The following DCC variants were observed in gnomAD, a reference collection of about 807,000 sequenced individuals.
DCC encodes DCC netrin 1 receptor, also known as netrin receptor DCC.
Under a neutral mutation model 172.5 loss-of-function variants are expected in DCC, and 58 were observed. The observed-to-expected ratio is 0.34, with a 90% CI of 0.27 to 0.42. DCC has a LOEUF of 0.42. Among genes scored for constraint, DCC ranks in the 10% least tolerant of loss-of-function variants. The probability of loss-of-function intolerance (pLI) is 1.00; values close to 1 mark genes in which losing one functional copy is unlikely to be tolerated. For synonymous variants in DCC, 709 were observed against 644.5 expected, an observed-to-expected ratio of 1.10 and a Z score of -1.52; for missense variants, 1,740 against 1,791.0, an observed-to-expected ratio of 0.97 and a Z score of 0.51.
intron 14 of DCC, among the ~76,000 whole-genome samples, chr18:53,335,813 G>T (rs990457547): frequency 6.6e-6 from 1 of 152,094 alleles, no homozygotes; most frequent in African/African-American, 2.4e-5. Flanking sequence ...ACATAGCTGG[G>T]GAGGTCTCAC....
intron 1 of DCC, among the ~76,000 whole-genome samples, chr18:52,488,890 A>G (rs1475205407): frequency 6.6e-6 from 1 of 152,134 alleles, no homozygotes; most frequent in Non-Finnish European, 1.5e-5. Context: ...TTCAATATAG[A>G]GCAAATTTGG....
rs532626865 is a variant in DCC at position 53,215,817 on chromosome 18, T to A, written c.1911+220T>A. On this transcript the variant is annotated intron_variant, in intron 12 of 28. Transcript: ENST00000442544. ...TCTACTTCTAAACAAATATTTTGAT[T>A]TACAAATATTAAACAAACATTGATT... 1.2e-4 allele frequency among the ~76,000 whole-genome samples: 18 copies of A among 152,322 alleles called. 1 individual carries two copies. In the East Asian group the frequency reaches 2.9e-3, roughly 25 times the overall value.
intron 1 of DCC, among the ~76,000 whole-genome samples, chr18:52,556,034 G>A (rs1361758021): frequency 1.3e-5 from 2 of 152,080 alleles, no homozygotes; most frequent in African/African-American, 4.8e-5. Context: ...TTTTAGTGAA[G>A]AATATACAAT....
intron 2 of DCC, among the ~76,000 whole-genome samples, chr18:52,876,732 T>G (rs1353569727): frequency 1.3e-5 from 2 of 151,960 alleles, no homozygotes; most frequent in Admixed American, 6.5e-5. Context: ...GGATGAGGTC[T>G]GAGAGTCAAA....
intron 2 of DCC, among the ~76,000 whole-genome samples, chr18:52,888,503 C>T (rs564300424): frequency 2.6e-5 from 4 of 152,026 alleles, no homozygotes; most frequent in African/African-American, 9.7e-5. Flanking sequence ...ATTACCATTT[C>T]TCTAAATGAA....
intron 2 of DCC, among the ~76,000 whole-genome samples, chr18:52,777,156 G>A (rs548813878): frequency 1.3e-5 from 2 of 152,188 alleles, no homozygotes; most frequent in Non-Finnish European, 2.9e-5. Flanking sequence ...CATCTGCCTC[G>A]CTAGTCTCAT....
At chr18:53,246,577 G>A (rs1435923793) in intron 12 of DCC, among the ~76,000 whole-genome samples, 1 of 151,836 alleles carries the variant, frequency 6.6e-6, no homozygotes, top group Non-Finnish European at 1.5e-5. Flanking sequence ...AAATAAACCA[G>A]TACAACACCA....
intron 1 of DCC, among the ~76,000 whole-genome samples, chr18:52,420,975 G>C (rs891364196): frequency 1.3e-5 from 2 of 152,100 alleles, no homozygotes; most frequent in Non-Finnish European, 2.9e-5. Flanking sequence ...AGGATTGCAA[G>C]CCCAGAATTC....
intron 12 of DCC, among the ~76,000 whole-genome samples, chr18:53,259,117 A>G (rs867106614): frequency 1.8e-4 from 27 of 152,048 alleles, no homozygotes; most frequent in African/African-American, 5.3e-4. Context: ...TGCACATGAG[A>G]TGGGTTTCCT....
chr18:53,149,255 A>T (rs2144372284), intron 7 of DCC, among the ~76,000 whole-genome samples: 1 of 152,274 alleles, frequency 6.6e-6, no homozygotes, highest in East Asian at 1.9e-4. Flanking sequence ...AGATCTAAAG[A>T]TAGACAAATA....
Position 53,371,126 on chromosome 18 carries a change from T to C in DCC, c.2360-14917T>C, listed in dbSNP as rs548180037. ...TTTGGTTTAATACAACCAACAGTGA[T>C]TCAAGGCCAAATCTTATAAGATGAG... On this transcript the variant is annotated intron_variant, in intron 15 of 28. Transcript: ENST00000442544. Among the ~76,000 whole-genome samples, 3 of 132,978 alleles carry C rather than the reference T, an allele frequency of 2.3e-5. No homozygotes were observed. In the South Asian group the frequency reaches 6.8e-4, roughly 30 times the overall value. The allele number at this position is 132,978 out of a possible 152,430, so 87.2% of individuals were successfully genotyped here. A position where few individuals can be genotyped will look rare whatever the true frequency, so the allele number is the denominator to read the frequency against.
chr18:53,090,732 A>AAAAAAAAAAAAAAAAAAAAAAAATAAT (rs1568298492), intron 7 of DCC, among the ~76,000 whole-genome samples: 1 of 129,078 alleles, frequency 7.7e-6, no homozygotes, highest in Non-Finnish European at 1.7e-5. Context: ...AAAAAAAAAA[A>AAAAAAAAAAAAAAAAAAAAAAAATAAT]AAGAATGTAT....
chr18:52,954,595 C>T (rs761987909), intron 5 of DCC, among the ~76,000 whole-genome samples: 2 of 152,130 alleles, frequency 1.3e-5, no homozygotes, highest in Non-Finnish European at 2.9e-5. Context: ...TATGGTTCTG[C>T]AAGGATCTTG....
intron 1 of DCC, among the ~76,000 whole-genome samples, chr18:52,645,341 A>T (rs76833719): frequency 6.6e-6 from 1 of 152,170 alleles, no homozygotes; most frequent in Non-Finnish European, 1.5e-5. Flanking sequence ...GTTAAATTTT[A>T]TACTTTCATT....
intron 5 of DCC, among the ~76,000 whole-genome samples, chr18:53,013,241 T>C (rs1316202059): frequency 6.6e-6 from 1 of 152,066 alleles, no homozygotes; most frequent in East Asian, 1.9e-4. Context: ...TAAAGACACA[T>C]GCACACGTAT....
chr18:53,168,120 T>C (rs2054952109), intron 8 of DCC, among the ~76,000 whole-genome samples: 2 of 151,902 alleles, frequency 1.3e-5, no homozygotes, highest in South Asian at 4.2e-4. Context: ...TTGGTGGGAG[T>C]GTAAATTAGT....
At chr18:53,354,461 G>T (rs1462025213) in intron 15 of DCC, among the ~76,000 whole-genome samples, 1 of 152,064 alleles carries the variant, frequency 6.6e-6, no homozygotes, top group African/African-American at 2.4e-5. Flanking sequence ...CATTCTAACT[G>T]GTGTGAGATG....
At chr18:53,189,231 G>A (rs566867074) in intron 9 of DCC, among the ~76,000 whole-genome samples, 2 of 151,786 alleles carry the variant, frequency 1.3e-5, no homozygotes, top group African/African-American at 2.4e-5. Flanking sequence ...ATGTATATAT[G>A]TGTGTGTATA....
chr18:53,341,839 A>C (rs1428197299), intron 15 of DCC, among the ~76,000 whole-genome samples: 1 of 152,102 alleles, frequency 6.6e-6, no homozygotes, highest in Admixed American at 6.6e-5. Context: ...TATTTATTCT[A>C]TTGAGCATTA....
Sources: gnomAD v4.1 joint callset for allele counts (sites outside exome capture counted in the v4.1 genomes callset) on GRCh38, gnomAD v4.1.1 for gene constraint, MANE v1.5 for transcripts, NCBI Gene and HGNC (gene_info 2026-07-23, HGNC 2026-07-21) for gene names.